TEX101: variants seen among roughly 807,000 people sequenced by gnomAD.
The protein encoded by TEX101 is testis expressed 101.
In TEX101, 10 loss-of-function variants were observed where a neutral mutation model predicts 18.1. That is an observed-to-expected ratio of 0.55 (90% CI 0.34 to 0.94). The LOEUF (loss-of-function observed/expected upper bound fraction) is 0.94, where lower values mean the gene tolerates loss of function less well. TEX101 is among the 40% of genes least tolerant of loss of function. The pLI is 0.02. For missense variants in TEX101, 259 were observed against 298.9 expected, an observed-to-expected ratio of 0.87 and a Z score of 0.98; for synonymous variants, 94 against 114.8, an observed-to-expected ratio of 0.82 and a Z score of 1.16.
At chr19:43,389,245 G>A in the TEX101 span, among the ~76,000 whole-genome samples, 19 of 152,174 alleles carry the variant, frequency 1.2e-4, no homozygotes, top group African/African-American at 3.1e-4. Flanking sequence ...GGAGGAAGCC[G>A]GAAAGTTCAT....
chr19:43,416,382 C>G lies in TEX101; in HGVS notation c.218C>G (p.Thr73Arg). Residue 73 changes from threonine to arginine, a missense_variant, in exon 4 of 6, where the codon ACA becomes AGA. By Grantham distance (71) the Thr-to-Arg change is moderately conservative. Transcript: ENST00000598265. ...TILIIKAGTE[T>R]AILATKGCIP... ...TCCTGTCTCATAACAGGGACTGAGA[C>G]AGCCATTTTGGCCACGAAGGGCTGC... 6.2e-7 allele frequency: 1 copy of G among 1,613,332 alleles called. No homozygotes were observed.
At chr19:43,405,732 C>G (rs1001324757) in intron 2 of TEX101, among the ~76,000 whole-genome samples, 2 of 151,804 alleles carry the variant, frequency 1.3e-5, no homozygotes, top group African/African-American at 4.8e-5. Flanking sequence ...TGAGACCAGC[C>G]TGACCAACAT....
At chr19:43,399,643 C>A (rs1480135671), upstream of TEX101, among the ~76,000 whole-genome samples, 1 of 152,002 alleles carries the variant, frequency 6.6e-6, no homozygotes, top group Non-Finnish European at 1.5e-5. Context: ...TCCCTAGCAA[C>A]CTCCAAAGTA....
At chr19:43,417,737 T>A (rs1568459296) in intron 4 of TEX101, 141 bp from the exon 5 acceptor site, 1 of 1,039,592 alleles carries the variant, frequency 9.6e-7, no homozygotes, top group East Asian at 2.5e-5. Flanking sequence ...GAACACCAGC[T>A]GGGGAAGGAT....
At chr19:43,406,938 T>G (rs112883739) in intron 3 of TEX101, among the ~76,000 whole-genome samples, 76 of 95,568 alleles carry the variant, frequency 8.0e-4, no homozygotes, top group East Asian at 3.6e-3. Context: ...TTTGTTTTTT[T>G]TTTTTTTTTT....
chr19:43,406,182 T>G, intron 2 of TEX101: 1 of 317,078 alleles, frequency 3.2e-6, no homozygotes, highest in Non-Finnish European at 5.7e-6. Context: ...AAACACAGCT[T>G]AGGCTGCTGT....
At position 43,418,482 on chromosome 19, in the gene TEX101, G is replaced by T. The variant is rs1015281294; in HGVS notation, c.*85G>T. 1.8e-6 allele frequency: 2 copies of T among 1,123,460 alleles called. No homozygotes were observed. The highest frequency in any genetic ancestry group is 2.6e-6 in the Non-Finnish European group (2 of 773,182). The allele number at this position is 1,123,460 out of a possible 1,614,324, so 69.6% of individuals were successfully genotyped here. On this transcript the variant is annotated 3_prime_UTR_variant, in exon 6 of 6. Coordinates refer to ENST00000598265, the MANE Select transcript of TEX101 (RefSeq NM_001130011.3). The stretch of plus-strand genomic sequence containing the variant: ...TTGAGGTTCAACAAGCTGAGGAGTA[G>T]ATGGGAATTTGAGGGAGAATACAGA...
chr19:43,390,911 C>T, the TEX101 span, among the ~76,000 whole-genome samples: 2 of 152,096 alleles, frequency 1.3e-5, no homozygotes, highest in Non-Finnish European at 2.9e-5. Flanking sequence ...CCTCTTTCCG[C>T]CTCCCTCCAG....
At chr19:43,406,869 A>G (rs1301089507) in intron 3 of TEX101, among the ~76,000 whole-genome samples, 1 of 150,940 alleles carries the variant, frequency 6.6e-6, no homozygotes, top group Non-Finnish European at 1.5e-5. Context: ...GGGATAACTG[A>G]TTTGCAGCAG....
Position 43,416,156 on chromosome 19 carries a change from C to A in TEX101, c.122C>A (p.Ala41Asp), listed in dbSNP as rs1203903482. The A allele has an allele frequency of 6.2e-7, 1 of 1,613,850 alleles. No individual in the cohort carries two copies. Among genetic ancestry groups the A allele is most frequent in the Non-Finnish European group, 8.5e-7 (1 of 1,179,944 alleles). ...TCCATGACTGTGGAAGCAGATCCAG[C>A]CAATATGTTTAACTGGACCACAGAG... ...GLSMTVEADP[A>D]NMFNWTTEEV... The change falls in exon 3 of 6, where the codon GCC (alanine) becomes GAC (aspartate). Residue 41 changes from alanine to aspartate, a missense_variant. Coordinates refer to ENST00000598265, the MANE Select transcript of TEX101 (RefSeq NM_001130011.3).
chr19:43,402,426 A>G (rs1970325729), intron 1 of TEX101, among the ~76,000 whole-genome samples: 2 of 152,222 alleles, frequency 1.3e-5, no homozygotes, highest in South Asian at 2.1e-4. Flanking sequence ...TTACATCAAT[A>G]AAAGAGAAAA....
At chr19:43,397,591 C>T (rs1970278574), upstream of TEX101, among the ~76,000 whole-genome samples, 1 of 150,790 alleles carries the variant, frequency 6.6e-6, no homozygotes, top group African/African-American at 2.4e-5. Context: ...TTTTTCTGAA[C>T]CATGTCAGGG....
rs1970497131 is a variant in TEX101 at position 43,417,905 on chromosome 19, G to T, written c.419G>T (p.Cys140Phe). Residue 140 changes from cysteine to phenylalanine, a missense_variant, in exon 5 of 6, where the codon TGT (cysteine) becomes TTT (phenylalanine). Transcript: ENST00000598265. ...TASTVSTTLH[C>F]PTCVALGTCF... ...TCCACTGTGTCAACAACCCTCCATT[G>T]TCCAACCTGTGTGGCTTTGGGGACC... 6.2e-7 allele frequency: 1 copy of T among 1,614,018 alleles called. No homozygotes were observed. Among genetic ancestry groups the T allele is most frequent in the Non-Finnish European group, 8.5e-7 (1 of 1,180,024 alleles).
intron 3 of TEX101, among the ~76,000 whole-genome samples, chr19:43,406,931 G>T (rs2355985): frequency 0.051 from 5,939 of 115,926 alleles, 140 homozygotes; most frequent in Middle Eastern, 0.084. Context: ...TTTGTTTTTT[G>T]TTTTTTTTTT....
At chr19:43,412,713 ACAG>A (rs1970429332), upstream of TEX101, among the ~76,000 whole-genome samples, 1 of 152,240 alleles carries the variant, frequency 6.6e-6, no homozygotes, top group South Asian at 2.1e-4. Context: ...TTCAAAGATA[ACAG>A]TTCAAAGATA....
intron 2 of TEX101, chr19:43,406,081 C>CAAAAAA (rs34029449): frequency 0.026 from 1,511 of 58,750 alleles, 144 homozygotes; most frequent in African/African-American, 0.073. Flanking sequence ...CCTGTCTCTA[C>CAAAAAA]AAAAAAAAAA....
chr19:43,391,769 A>G, the TEX101 span, among the ~76,000 whole-genome samples: 4,000 of 152,296 alleles, frequency 0.026, 63 homozygotes, highest in Middle Eastern at 0.1. Flanking sequence ...GTCTGTGGCC[A>G]TCGCCAACAC....
At chr19:43,401,333 T>C (rs16976476), upstream of TEX101, among the ~76,000 whole-genome samples, 3,362 of 152,332 alleles carry the variant, frequency 0.022, 139 homozygotes, top group African/African-American at 0.076. Context: ...GGTTTAGGTA[T>C]AGGTCAATTA....
intron 4 of TEX101, 109 bp downstream of exon 4, chr19:43,416,664 A>G (rs1970483170): frequency 3.9e-6 from 4 of 1,037,592 alleles, no homozygotes; most frequent in Non-Finnish European, 5.7e-6. Flanking sequence ...CCATACCCCA[A>G]AGTACCTCAC....
Sources: gnomAD v4.1 joint callset for allele counts (sites outside exome capture counted in the v4.1 genomes callset) on GRCh38, gnomAD v4.1.1 for gene constraint, MANE v1.5 for transcripts, NCBI Gene and HGNC (gene_info 2026-07-23, HGNC 2026-07-21) for gene names.